Variants in OSBPL9 observed in about 807,000 individuals in gnomAD.
The protein encoded by OSBPL9 is oxysterol binding protein like 9.
In OSBPL9, 40 loss-of-function variants were observed where a neutral mutation model predicts 106.6. That is an observed-to-expected ratio of 0.38 (90% CI 0.29 to 0.49). OSBPL9 has a LOEUF of 0.49. Ranked by LOEUF, OSBPL9 falls within the 20% of genes least tolerant of loss-of-function variation. The pLI is 0.97. For synonymous variants in OSBPL9, 269 were observed against 295.4 expected (o/e 0.91, Z 0.92); for missense variants, 609 against 887.2 (o/e 0.69, Z 3.98).
At chr1:51,632,270 C>G (rs1313339980) in intron 1 of OSBPL9, among the ~76,000 whole-genome samples, 2 of 152,114 alleles carry the variant, frequency 1.3e-5, no homozygotes, top group Non-Finnish European at 2.9e-5. Context: ...TTGTTTATAA[C>G]AGCATTGCCA....
At chr1:51,645,273 ATCT>A (rs775031940) in intron 1 of OSBPL9, among the ~76,000 whole-genome samples, 2 of 152,172 alleles carry the variant, frequency 1.3e-5, no homozygotes, top group Non-Finnish European at 2.9e-5. Flanking sequence ...AGCTGAAACT[ATCT>A]TCTTAACTTG....
chr1:51,585,675 C>T (rs540771611), intron 1 of OSBPL9, among the ~76,000 whole-genome samples: 40 of 152,092 alleles, frequency 2.6e-4, no homozygotes, highest in African/African-American at 9.6e-4. Flanking sequence ...ACTCAGGAGG[C>T]TGAGGCAGGA....
intron 1 of OSBPL9, among the ~76,000 whole-genome samples, chr1:51,582,251 C>T (rs991437118): frequency 6.6e-6 from 1 of 152,146 alleles, no homozygotes; most frequent in Non-Finnish European, 1.5e-5. Context: ...ACTCATGCAT[C>T]CCCTTCCATA....
At chr1:51,609,175 T>A (rs1643968578) in intron 2 of OSBPL9, among the ~76,000 whole-genome samples, 1 of 152,162 alleles carries the variant, frequency 6.6e-6, no homozygotes, top group African/African-American at 2.4e-5. Context: ...CAAGCCTCTC[T>A]CATTTTTCCC....
chr1:51,536,526 C>A, the OSBPL9 span, among the ~76,000 whole-genome samples: 13 of 152,044 alleles, frequency 8.6e-5, no homozygotes, highest in Non-Finnish European at 1.8e-4. Flanking sequence ...TTATGTTGCC[C>A]AGACTGGCCT....
chr1:51,700,834 G>A (rs1365162790), intron 3 of OSBPL9, among the ~76,000 whole-genome samples: 2 of 151,960 alleles, frequency 1.3e-5, no homozygotes, highest in East Asian at 3.8e-4. Context: ...TCTCACTTTT[G>A]CCCATTGATT....
chr1:51,593,818 A>G (rs895105235), intron 1 of OSBPL9, among the ~76,000 whole-genome samples: 1 of 151,906 alleles, frequency 6.6e-6, no homozygotes, highest in African/African-American at 2.4e-5. Context: ...CCAGGGATCC[A>G]TGGTGGAATG....
chr1:51,529,242 A>AT, the OSBPL9 span, among the ~76,000 whole-genome samples: 7,075 of 145,048 alleles, frequency 0.049, 221 homozygotes, highest in East Asian at 0.14. Context: ...ATGCTTCCTG[A>AT]TTTTTTTTTT....
chr1:51,659,060 C>A (rs748056311), intron 2 of OSBPL9, among the ~76,000 whole-genome samples: 5 of 151,918 alleles, frequency 3.3e-5, no homozygotes, highest in Admixed American at 6.6e-5. Flanking sequence ...TATACTATTT[C>A]ATAATTACAA....
intron 1 of OSBPL9, chr1:51,583,435 A>G (rs1283730117): frequency 1.3e-5 from 2 of 152,230 alleles, no homozygotes; most frequent in Non-Finnish European, 2.9e-5. Context: ...AAACTTGGAT[A>G]AGTTAGTAAA....
intron 13 of OSBPL9, among the ~76,000 whole-genome samples, chr1:51,772,400 A>C (rs1169716958): frequency 6.6e-6 from 1 of 152,230 alleles, no homozygotes; most frequent in Non-Finnish European, 1.5e-5. Context: ...CTGTAATCCC[A>C]GCTGCCAAGG....
At chr1:51,622,061 C>T (rs1644471174) in intron 1 of OSBPL9, among the ~76,000 whole-genome samples, 1 of 151,476 alleles carries the variant, frequency 6.6e-6, no homozygotes, top group African/African-American at 2.4e-5. Flanking sequence ...GAGAAGTAAT[C>T]AGGAGGTTGC....
At chr1:51,570,428 A>G in the OSBPL9 span, among the ~76,000 whole-genome samples, 1 of 152,220 alleles carries the variant, frequency 6.6e-6, no homozygotes, top group African/African-American at 2.4e-5. Flanking sequence ...ATCTTCAACT[A>G]TAAGACTTTA....
At chr1:51,664,217 A>G (rs949297072) in intron 2 of OSBPL9, among the ~76,000 whole-genome samples, 1 of 152,240 alleles carries the variant, frequency 6.6e-6, no homozygotes, top group East Asian at 1.9e-4. Context: ...TGAAAACAAC[A>G]TAAATGTCCA....
At chr1:51,710,758 T>C (rs977124989) in intron 3 of OSBPL9, among the ~76,000 whole-genome samples, 1 of 152,252 alleles carries the variant, frequency 6.6e-6, no homozygotes, top group Non-Finnish European at 1.5e-5. Context: ...TCTTTGAAAG[T>C]AACCTGTCCT....
intron 4 of OSBPL9, among the ~76,000 whole-genome samples, chr1:51,735,199 G>C (rs994372300): frequency 3.3e-5 from 5 of 152,176 alleles, no homozygotes; most frequent in East Asian, 3.9e-4. Context: ...TCCATGCTTT[G>C]AGGCAATTCT....
At chr1:51,612,737 G>C (rs998264169), upstream of OSBPL9, among the ~76,000 whole-genome samples, 1 of 152,220 alleles carries the variant, frequency 6.6e-6, no homozygotes, top group East Asian at 1.9e-4. Context: ...TTTAGAAGTT[G>C]ATGATGTTGC....
intron 1 of OSBPL9, among the ~76,000 whole-genome samples, chr1:51,645,819 G>T (rs997771581): frequency 6.6e-6 from 1 of 151,896 alleles, no homozygotes; most frequent in African/African-American, 2.4e-5. Flanking sequence ...CATAGGGTAG[G>T]TATCCAGCTT....
intron 1 of OSBPL9, among the ~76,000 whole-genome samples, chr1:51,638,110 GGA>G (rs1645567971): frequency 6.6e-6 from 1 of 152,054 alleles, no homozygotes; most frequent in East Asian, 1.9e-4. Context: ...CCAGGATCTT[GGA>G]GAGACCCCCA....
Sources: allele counts gnomAD v4.1 joint callset (sites outside exome capture counted in the v4.1 genomes callset), GRCh38; gene constraint gnomAD v4.1.1; transcripts MANE v1.5; gene names NCBI Gene and HGNC (gene_info 2026-07-23, HGNC 2026-07-21).